The following IFI16 variants were observed in gnomAD, a reference collection of about 807,000 sequenced individuals.
The protein encoded by IFI16 is interferon gamma inducible protein 16.
IFI16 carries 49 observed loss-of-function variants against 68.4 expected under a neutral mutation model. That is an observed-to-expected ratio of 0.72 (90% CI 0.57 to 0.91). IFI16 has a LOEUF of 0.91. Ranked by LOEUF, IFI16 falls within the 40% of genes least tolerant of loss-of-function variation. The pLI is 0.00. For synonymous variants in IFI16, 307 were observed against 315.0 expected (o/e 0.97, Z 0.27); for missense variants, 878 against 942.9 (o/e 0.93, Z 0.90).
chr1:159,017,258 ACT>A (rs1481471679), intron 4 of IFI16, among the ~76,000 whole-genome samples: 1 of 152,116 alleles, frequency 6.6e-6, no homozygotes, highest in South Asian at 2.1e-4. Flanking sequence ...TGGGAATGAC[ACT>A]CTGTAGAGTT....
At chr1:159,005,674 G>T (rs1557858567), upstream of IFI16, among the ~76,000 whole-genome samples, 1 of 152,200 alleles carries the variant, frequency 6.6e-6, no homozygotes, top group South Asian at 2.1e-4. Flanking sequence ...GGTTGGAGGG[G>T]AAGGAATGGC....
chr1:159,001,191 A>G (rs1221502875), upstream of IFI16, among the ~76,000 whole-genome samples: 1 of 152,264 alleles, frequency 6.6e-6, no homozygotes, highest in Non-Finnish European at 1.5e-5. Flanking sequence ...AATGGACAAT[A>G]GGTATGAATA....
In IFI16 at chr1:159,016,536, A is replaced by G. The variant is rs777100386; in HGVS notation, c.385A>G (p.Arg129Gly). ...AGGAAAATCAAACCACTTTCAGAAAAGAAAAAAATCAACCAAAGAAAAGGC... is the reference window on the plus strand; with the variant it reads ...AGGAAAATCAAACCACTTTCAGAAAGGAAAAAAATCAACCAAAGAAAAGGC... The part of the protein sequence containing the change: ...GAEATPGAQK[R>G]KKSTKEKAGP... Residue 129 changes from arginine to glycine, a missense_variant, in exon 4 of 12, where the codon AGA (arginine) becomes GGA (glycine). This residue lies in a region of IFI16 where 443 missense variants were observed against 421.8 expected (regional missense o/e 1.05). Coordinates refer to ENST00000295809, the MANE Select transcript of IFI16 (RefSeq NM_001376587.1). The G allele has an allele frequency of 5.6e-6, 9 of 1,602,652 alleles. No homozygotes were observed. Among genetic ancestry groups the G allele is most frequent in the African/African-American group, 1.4e-5 (1 of 74,032 alleles).
At chr1:159,014,567 A>T in intron 1 of IFI16, 94 bp from the exon 2 acceptor site, 1 of 745,688 alleles carries the variant, frequency 1.3e-6, no homozygotes, top group Non-Finnish European at 2.1e-6. Context: ...TTCATGAACA[A>T]CTCTTTCATA....
chr1:159,053,134 T>TCGG, intron 10 of IFI16: 2 of 156,726 alleles, frequency 1.3e-5, no homozygotes, highest in Admixed American at 6.4e-5. Flanking sequence ...TGCAACATTC[T>TCGG]TTCTCAAACT....
Position 159,018,478 on chromosome 1 carries a change from T to C in IFI16, c.799T>C (p.Tyr267His), listed in dbSNP as rs750795628. 3 of 1,613,994 alleles carry C rather than the reference T, an allele frequency of 1.9e-6. No homozygotes were observed. Among genetic ancestry groups the C allele is most frequent in the East Asian group, 2.2e-5 (1 of 44,870 alleles). The change falls in exon 5 of 12, where the codon TAT becomes CAT. Residue 267 changes from tyrosine to histidine, a missense_variant. By Grantham distance (83) the Tyr-to-His change is moderately conservative. This residue lies in a region of IFI16 where 443 missense variants were observed against 421.8 expected (regional missense o/e 1.05). Coordinates refer to ENST00000295809, the MANE Select transcript of IFI16 (RefSeq NM_001376587.1). ...KIIIISDYLE[Y>H]DSLLEVNEES... is the part of the protein sequence containing the mutation. ...CATCATCATATCAGATTATTTGGAATATGATAGTCTCCTAGAGGTCAATGA... is the reference window on the plus strand; with the variant it reads ...CATCATCATATCAGATTATTTGGAACATGATAGTCTCCTAGAGGTCAATGA...
At chr1:159,042,291 A>G (rs1162579875) in intron 7 of IFI16, among the ~76,000 whole-genome samples, 7 of 141,972 alleles carry the variant, frequency 4.9e-5, no homozygotes, top group African/African-American at 1.3e-4. Context: ...TTTATATTTG[A>G]TATCTTCTGC....
chr1:159,018,655 AGT>A lies in IFI16; in HGVS notation c.972+5_972+6del. 6.3e-7 allele frequency: 1 copy of A among 1,579,718 alleles called. No individual in the cohort carries two copies. Among genetic ancestry groups the A allele is most frequent in the Non-Finnish European group, 8.6e-7 (1 of 1,163,664 alleles). On this transcript the variant is annotated splice_donor_5th_base_variant and intron_variant, in intron 5 of 11. Coordinates refer to ENST00000295809, the MANE Select transcript of IFI16 (RefSeq NM_001376587.1). ...TGGGGTATTTATGCTACATAAGGTA[AGT>A]CCTCAAAATTGTTTCGTTTCATTTT...
At chr1:159,008,410 A>T (rs1652346107), upstream of IFI16, among the ~76,000 whole-genome samples, 2 of 152,206 alleles carry the variant, frequency 1.3e-5, no homozygotes, top group South Asian at 4.1e-4. Context: ...TCTTTGCTTC[A>T]TCTATGAAAA....
chr1:159,015,770 A>C (rs1449880186), intron 2 of IFI16, 102 bp from the exon 3 acceptor site: 6 of 823,614 alleles, frequency 7.3e-6, no homozygotes, highest in Admixed American at 2.2e-5. Flanking sequence ...CTCAAGCAGG[A>C]ACTGAGAGCA....
At chr1:159,026,872 TCCTGAAACTTTG>T (rs1653704668) in intron 6 of IFI16, among the ~76,000 whole-genome samples, 7 of 152,246 alleles carry the variant, frequency 4.6e-5, no homozygotes, top group Admixed American at 4.6e-4. Context: ...TAATTTTGTA[TCCTGAAACTTTG>T]CTTGAAACTT....
intron 7 of IFI16, among the ~76,000 whole-genome samples, chr1:159,043,430 A>G (rs1194926349): frequency 6.6e-6 from 1 of 152,174 alleles, no homozygotes; most frequent in East Asian, 1.9e-4. Flanking sequence ...GCTGCTCTGA[A>G]AGCACAAGAT....
In IFI16 at chr1:159,020,500, C is replaced by G; in HGVS notation, c.1132C>G (p.Leu378Val). 1 of 1,612,312 alleles carries G rather than the reference C, an allele frequency of 6.2e-7. No homozygotes were observed. The highest frequency in any genetic ancestry group is 8.5e-7 in the Non-Finnish European group (1 of 1,179,078). The stretch of plus-strand genomic sequence containing the variant: ...TAGAAAAAAGAACCAGATGTCAAAA[C>G]TGATTTCAGAAATGCATAGTTTTAT... ...RLRKKNQMSK[L>V]ISEMHSFIQI... Residue 378 changes from leucine (L) to valine (V), a missense_variant, in exon 6 of 12, where the codon CTG becomes GTG. This residue lies in a region of IFI16 where 443 missense variants were observed against 421.8 expected (regional missense o/e 1.05). Coordinates refer to ENST00000295809, the MANE Select transcript of IFI16 (RefSeq NM_001376587.1).
At chr1:159,046,614 C>T (rs1655000902) in intron 8 of IFI16, among the ~76,000 whole-genome samples, 1 of 151,116 alleles carries the variant, frequency 6.6e-6, no homozygotes, top group South Asian at 2.1e-4. Flanking sequence ...CTTTTGCTCT[C>T]TCACCATACA....
chr1:159,011,382 CA>C (rs67588505), intron 1 of IFI16, among the ~76,000 whole-genome samples: 92,117 of 133,370 alleles, frequency 0.69, 35,660 homozygotes, highest in Non-Finnish European at 0.86. Context: ...GGCTCTGTCT[CA>C]AAAAAAAAAA....
rs778683087 is a variant in IFI16, at chr1:159,054,813, C to T, written c.2278-8C>T. The T allele has an allele frequency of 4.4e-5, 68 of 1,547,978 alleles. No individual in the cohort carries two copies. In the Middle Eastern group the frequency reaches 6.7e-4, roughly 15 times the overall value. Reference sequence around the variant, plus strand: ...AACTGGTCTGTCTTTATCTCTTTCTCCTTCAAGGTCATCAAGACCAGGAAA... The same window carrying T: ...AACTGGTCTGTCTTTATCTCTTTCTTCTTCAAGGTCATCAAGACCAGGAAA... On this transcript the variant is annotated splice_polypyrimidine_tract_variant and splice_region_variant and intron_variant, in intron 11 of 11. Coordinates refer to ENST00000295809, the MANE Select transcript of IFI16 (RefSeq NM_001376587.1).
At chr1:159,009,770 T>G (rs1557860303), upstream of IFI16, 1 of 152,170 alleles carries the variant, frequency 6.6e-6, no homozygotes, top group Non-Finnish European at 1.5e-5. Flanking sequence ...ACTGTACCCA[T>G]TAAAGTAATT....
intron 10 of IFI16, chr1:159,052,781 T>C (rs1655444016): frequency 6.6e-6 from 1 of 151,824 alleles, no homozygotes. Context: ...AAAAGCTTGG[T>C]GAATTCTTAG....
chr1:159,050,151 C>A (rs1655257926), intron 9 of IFI16, among the ~76,000 whole-genome samples: 1 of 152,096 alleles, frequency 6.6e-6, no homozygotes, highest in Admixed American at 6.5e-5. Flanking sequence ...TTCCATAACC[C>A]ATGTTTTTTA....
Sources: allele counts gnomAD v4.1 joint callset (sites outside exome capture counted in the v4.1 genomes callset), GRCh38; gene constraint gnomAD v4.1.1; regional missense constraint gnomAD v4.1.1; transcripts MANE v1.5; gene names NCBI Gene and HGNC (gene_info 2026-07-23, HGNC 2026-07-21).